The following PDE7B variants were observed in gnomAD, a reference collection of about 807,000 sequenced individuals.
PDE7B encodes 3',5'-cyclic-AMP phosphodiesterase 7B.
Under a neutral mutation model 56.2 loss-of-function variants are expected in PDE7B, and 29 were observed. That is an observed-to-expected ratio of 0.52 (90% confidence interval 0.38 to 0.70). The LOEUF (loss-of-function observed/expected upper bound fraction) is 0.70. PDE7B is among the 30% of genes least tolerant of loss of function. The pLI is 0.00. For missense variants in PDE7B, 490 were observed against 565.0 expected (o/e 0.87, Z 1.35); for synonymous variants, 197 against 196.9 (o/e 1.00, Z 0.00).
intron 2 of PDE7B, among the ~76,000 whole-genome samples, chr6:136,096,616 T>C (rs771357677): frequency 6.6e-6 from 1 of 151,718 alleles, no homozygotes; most frequent in Non-Finnish European, 1.5e-5. Context: ...TAAACTATTC[T>C]AGCCTCAGTT....
chr6:136,052,439 T>G (rs867405268), intron 2 of PDE7B, among the ~76,000 whole-genome samples: 4 of 152,100 alleles, frequency 2.6e-5, no homozygotes, highest in African/African-American at 9.7e-5. Flanking sequence ...TGGGAAGAGG[T>G]GAACCAGCTG....
chr6:135,998,866 A>T (rs1234125884), intron 2 of PDE7B, among the ~76,000 whole-genome samples: 1 of 152,162 alleles, frequency 6.6e-6, no homozygotes, highest in Non-Finnish European at 1.5e-5. Context: ...TGAAAGAAAG[A>T]AAAAGAGAAA....
intron 1 of PDE7B, among the ~76,000 whole-genome samples, chr6:135,865,657 G>GTGTGTGTGTGGA (rs1554262863): frequency 6.8e-6 from 1 of 146,742 alleles, no homozygotes; most frequent in African/African-American, 2.5e-5. Flanking sequence ...GTGTATGTGT[G>GTGTGTGTGTGGA]GAGAGAGAGA....
rs568509107 is a variant in PDE7B at position 136,179,360 on chromosome 6, A to C, written c.948+219A>C. ...TGTCTCTAAAAAAACACAAAACAAC[A>C]ACAACAAAAATCCACTCAGGGCCAT... On this transcript the variant is annotated intron_variant, in intron 10 of 12. Coordinates refer to ENST00000308191, the MANE Select transcript of PDE7B (RefSeq NM_018945.4). Among the ~76,000 whole-genome samples the C allele has an allele frequency of 3.9e-5, 6 of 152,216 alleles. No individual in the cohort carries two copies. In the South Asian group the frequency reaches 1.2e-3, roughly 32 times the overall value.
intron 3 of PDE7B, among the ~76,000 whole-genome samples, chr6:136,139,356 A>T (rs1361684803): frequency 6.6e-6 from 1 of 152,070 alleles, no homozygotes; most frequent in Non-Finnish European, 1.5e-5. Flanking sequence ...CATTTTCTTA[A>T]TCCAGTCTAT....
intron 9 of PDE7B, among the ~76,000 whole-genome samples, chr6:136,178,553 C>A (rs1374072286): frequency 1.3e-5 from 2 of 152,096 alleles, no homozygotes; most frequent in East Asian, 3.8e-4. Context: ...TGGATCTTTC[C>A]ATCCCATGGT....
At chr6:136,126,923 C>A (rs1292669506) in intron 3 of PDE7B, among the ~76,000 whole-genome samples, 1 of 152,050 alleles carries the variant, frequency 6.6e-6, no homozygotes, top group Non-Finnish European at 1.5e-5. Context: ...TAACCAAATA[C>A]CACCTGTTCC....
chr6:135,971,433 G>A (rs776183232), intron 2 of PDE7B, among the ~76,000 whole-genome samples: 5 of 152,212 alleles, frequency 3.3e-5, no homozygotes, highest in South Asian at 4.1e-4. Context: ...ATATAGTAGC[G>A]GGAAAGAGAG....
At position 135,997,413 on chromosome 6, in the gene PDE7B, C is replaced by CAAAAAAAAAAAAAAAA. The variant is rs59388049; in HGVS notation, c.82+49912_82+49927dup. Among the ~76,000 whole-genome samples the CAAAAAAAAAAAAAAAA allele has an allele frequency of 2.8e-4, 3 of 10,706 alleles. 1 individual carries two copies. The highest frequency in any genetic ancestry group is 6.0e-4 in the African/African-American group (3 of 4,982). 7.0% of individuals were successfully genotyped at this position (10,706 alleles called of 152,430 possible). On this transcript the variant is annotated intron_variant, in intron 2 of 12. Transcript: ENST00000308191. Reference sequence around the variant, plus strand: ...TAGCTGACAGAATGAGACCCTGTCTCAAAAAAAAAAAAAAAAAAAAAAAAA... The same window carrying CAAAAAAAAAAAAAAAA: ...TAGCTGACAGAATGAGACCCTGTCTCAAAAAAAAAAAAAAAAAAAAAAAAAAAAAAAAAAAAAAAAA...
At chr6:135,951,530 T>A (rs1420493232) in intron 2 of PDE7B, among the ~76,000 whole-genome samples, 2 of 152,180 alleles carry the variant, frequency 1.3e-5, no homozygotes, top group African/African-American at 4.8e-5. Context: ...TCTCAGTTCA[T>A]TTGTGAACCT....
intron 8 of PDE7B, 46 bp from the exon 9 acceptor site, chr6:136,173,751 A>C: frequency 8.1e-7 from 1 of 1,228,844 alleles, no homozygotes; most frequent in Non-Finnish European, 1.2e-6. Flanking sequence ...AAAGATCAGT[A>C]TCTGGCTTCC....
chr6:135,889,313 AT>A (rs754222594), intron 1 of PDE7B, among the ~76,000 whole-genome samples: 233 of 145,344 alleles, frequency 1.6e-3, no homozygotes, highest in Middle Eastern at 3.5e-3. Flanking sequence ...CAGCTGAACA[AT>A]TTTTTTTTTT....
intron 2 of PDE7B, among the ~76,000 whole-genome samples, chr6:136,006,411 A>C (rs1775785227): frequency 6.6e-6 from 1 of 152,092 alleles, no homozygotes; most frequent in Non-Finnish European, 1.5e-5. Context: ...TTTTGGTTCC[A>C]TATGAATTTT....
At chr6:135,859,290 A>T (rs374502335) in intron 1 of PDE7B, among the ~76,000 whole-genome samples, 7 of 152,140 alleles carry the variant, frequency 4.6e-5, no homozygotes, top group East Asian at 3.9e-4. Context: ...CCATGTTCTT[A>T]AGATGAGTGT....
At chr6:135,866,021 T>A (rs1172546817) in intron 1 of PDE7B, among the ~76,000 whole-genome samples, 1 of 152,194 alleles carries the variant, frequency 6.6e-6, no homozygotes, top group African/African-American at 2.4e-5. Flanking sequence ...GTATTTTATC[T>A]TGTATTTGAA....
intron 2 of PDE7B, among the ~76,000 whole-genome samples, chr6:135,984,965 C>T (rs1212055781): frequency 6.6e-6 from 1 of 152,022 alleles, no homozygotes; most frequent in African/African-American, 2.4e-5. Context: ...AAAATGCAAG[C>T]AAAGGCTACA....
chr6:135,930,824 A>G (rs1332971097), intron 1 of PDE7B, among the ~76,000 whole-genome samples: 1 of 152,150 alleles, frequency 6.6e-6, no homozygotes, highest in Non-Finnish European at 1.5e-5. Flanking sequence ...TACTTTCATG[A>G]TTTGCCATAA....
intron 2 of PDE7B, among the ~76,000 whole-genome samples, chr6:135,985,827 G>C (rs1052741251): frequency 6.6e-6 from 1 of 152,146 alleles, no homozygotes; most frequent in South Asian, 2.1e-4. Flanking sequence ...CATGCACTTT[G>C]ATAGTCCCAA....
At chr6:135,902,870 T>C (rs1360026232) in intron 1 of PDE7B, among the ~76,000 whole-genome samples, 3 of 152,172 alleles carry the variant, frequency 2.0e-5, no homozygotes, top group African/African-American at 7.2e-5. Context: ...GGCTCAATTA[T>C]CACAGCAACC....
Sources: allele counts gnomAD v4.1 joint callset (sites outside exome capture counted in the v4.1 genomes callset), GRCh38; gene constraint gnomAD v4.1.1; transcripts MANE v1.5; gene names NCBI Gene and HGNC (gene_info 2026-07-23, HGNC 2026-07-21).